The following SMG6 variants were observed in gnomAD, a reference collection of about 807,000 sequenced individuals.
The protein encoded by SMG6 is telomerase-binding protein EST1A.
Under a neutral mutation model 142.2 loss-of-function variants are expected in SMG6, and 66 were observed. The observed-to-expected ratio is 0.46, with a 90% confidence interval of 0.38 to 0.57. The LOEUF (loss-of-function observed/expected upper bound fraction) is 0.57, where lower values mean the gene tolerates loss of function less well. SMG6 is among the 20% of genes least tolerant of loss of function. The pLI is 0.00. For synonymous variants in SMG6, 779 were observed against 702.4 expected, an observed-to-expected ratio of 1.11 and a Z score of -1.72; for missense variants, 1,793 against 1,832.0, an observed-to-expected ratio of 0.98 and a Z score of 0.39.
In SMG6 at chr17:2,187,869, A is replaced by G. The variant is rs149933994; in HGVS notation, c.2986+530T>C. 2.6e-5 allele frequency among the ~76,000 whole-genome samples: 4 copies of G among 152,260 alleles called. No individual in the cohort carries two copies. In the East Asian group the frequency reaches 7.7e-4, roughly 29 times the overall value. Reference sequence around the variant, plus strand: ...AGCTGAAAAGAAAGGTGTAACCTTCAGCCCTACCTTCTACTGCTACAACAA... The same window carrying G: ...AGCTGAAAAGAAAGGTGTAACCTTCGGCCCTACCTTCTACTGCTACAACAA... On this transcript the variant is annotated intron_variant, in intron 11 of 18. Coordinates refer to ENST00000263073, the MANE Select transcript of SMG6 (RefSeq NM_017575.5).
At chr17:2,224,716 AAACCAACCAACC>A (rs34427018) in intron 10 of SMG6, among the ~76,000 whole-genome samples, 7 of 152,044 alleles carry the variant, frequency 4.6e-5, no homozygotes, top group African/African-American at 1.7e-4. Flanking sequence ...ACTGATAGGA[AAACCAACCAACC>A]AACCAACCAA....
chr17:2,292,488 T>C (rs2075059656), intron 6 of SMG6, 64 bp downstream of exon 6: 1 of 1,499,120 alleles, frequency 6.7e-7, no homozygotes, highest in East Asian at 2.3e-5. Flanking sequence ...ACTGATATTA[T>C]CAAACTCCAT....
intron 13 of SMG6, among the ~76,000 whole-genome samples, chr17:2,163,649 C>T (rs1047674854): frequency 5.3e-5 from 8 of 151,916 alleles, no homozygotes; most frequent in Non-Finnish European, 1.5e-5. Flanking sequence ...CAAATAAAAA[C>T]AGCTTTATTT....
chr17:2,108,225 T>C (rs1232248819), intron 13 of SMG6, among the ~76,000 whole-genome samples: 1 of 152,220 alleles, frequency 6.6e-6, no homozygotes, highest in Non-Finnish European at 1.5e-5. Context: ...CATGGGAATC[T>C]GATGTGTGAC....
chr17:2,134,419 CAAAAAAAAAAAAAAA>C (rs58429166), intron 13 of SMG6, among the ~76,000 whole-genome samples: 4 of 28,724 alleles, frequency 1.4e-4, no homozygotes, highest in African/African-American at 5.1e-4. Flanking sequence ...GACTCCATCT[CAAAAAAAAAAAAAAA>C]AAAAAAAAAA....
intron 6 of SMG6, among the ~76,000 whole-genome samples, chr17:2,284,211 A>G (rs113626064): frequency 1.2e-4 from 18 of 152,228 alleles, no homozygotes; most frequent in African/African-American, 3.9e-4. Flanking sequence ...ATTATGTAAT[A>G]ATCTTCCTGA....
intron 13 of SMG6, 120 bp downstream of exon 13, chr17:2,172,538 T>C (rs917188388): frequency 1.0e-5 from 11 of 1,080,272 alleles, no homozygotes; most frequent in Non-Finnish European, 1.5e-5. Flanking sequence ...TATTTTCCCT[T>C]AACACCCTTC....
intron 8 of SMG6, among the ~76,000 whole-genome samples, chr17:2,274,815 C>G (rs2074612673): frequency 2.0e-5 from 3 of 152,136 alleles, no homozygotes; most frequent in Admixed American, 1.3e-4. Flanking sequence ...AAGACTCACT[C>G]AAGTTTCAGA....
chr17:2,221,653 A>C (rs1246151178), intron 10 of SMG6, among the ~76,000 whole-genome samples: 2 of 152,256 alleles, frequency 1.3e-5, no homozygotes, highest in African/African-American at 4.8e-5. Flanking sequence ...ACAAAAAACA[A>C]GGAAAGACAG....
At position 2,292,926 on chromosome 17, in the gene SMG6, T is replaced by C. The variant is rs2075070905; in HGVS notation, c.2203A>G (p.Ile735Val). The C allele has an allele frequency of 1.2e-6, 2 of 1,614,038 alleles. No individual in the cohort carries two copies. The highest frequency in any genetic ancestry group is 8.5e-7 in the Non-Finnish European group (1 of 1,180,022). The stretch of plus-strand genomic sequence containing the variant: ...CTGGCTTGCTCCCGGTACCTAGCAA[T>C]ATCTCCTTGGCATATCATGCATCGC... ...AQRCMICQGD[I>V]ARYREQASDT... is the part of the protein sequence containing the mutation. Residue 735 changes from isoleucine (I) to valine (V), a missense_variant, in exon 5 of 19, where the codon ATT becomes GTT. Coordinates refer to ENST00000263073, the MANE Select transcript of SMG6 (RefSeq NM_017575.5).
At chr17:2,242,646 C>G (rs563838170) in intron 9 of SMG6, among the ~76,000 whole-genome samples, 3 of 137,064 alleles carry the variant, frequency 2.2e-5, no homozygotes, top group African/African-American at 9.1e-5. Context: ...TGTGAATAGC[C>G]ACTGCACTTC....
chr17:2,300,894 G>T (rs923748971), intron 1 of SMG6, among the ~76,000 whole-genome samples: 2 of 152,156 alleles, frequency 1.3e-5, no homozygotes, highest in African/African-American at 4.8e-5. Context: ...ACTGTGTTGG[G>T]GCTACCTACA....
At chr17:2,065,800 AGTCTTCCAATGAAACTAGGGCC>A in intron 16 of SMG6, 121 bp from the exon 17 acceptor site, 1 of 829,818 alleles carries the variant, frequency 1.2e-6, no homozygotes, top group African/African-American at 1.7e-5. Context: ...CCCCCACAGG[AGTCTTCCAATGAAACTAGGGCC>A]GGAGGGGAGC....
chr17:2,299,831 T>C lies in SMG6; in HGVS notation c.922A>G (p.Arg308Gly). Reference sequence around the variant, plus strand: ...CCTAATCCATCAGGCTCATCAATTCTGTCCTCGTCTAAGGAATCGGTTGAG... The same window carrying C: ...CCTAATCCATCAGGCTCATCAATTCCGTCCTCGTCTAAGGAATCGGTTGAG... ...VSSTDSLDED[R>G]IDEPDGLGPR... Residue 308 changes from arginine to glycine, a missense_variant, in exon 2 of 19, where the codon AGA becomes GGA. Physicochemically the swap from Arg to Gly is moderately radical, Grantham distance 125. Around this residue, in one of 3 missense-constraint regions of SMG6, gnomAD observed 1,597 missense variants for 1,584.6 expected, o/e 1.01. Transcript: ENST00000263073. The surrounding 1 kb of genome is among the most constrained non-coding windows in gnomAD (Gnocchi z 4.3). 6.2e-7 allele frequency: 1 copy of C among 1,614,234 alleles called. No individual in the cohort carries two copies. The highest frequency in any genetic ancestry group is 8.5e-7 in the Non-Finnish European group (1 of 1,180,036).
intron 12 of SMG6, among the ~76,000 whole-genome samples, chr17:2,181,984 T>G (rs1224164294): frequency 6.6e-6 from 1 of 152,044 alleles, no homozygotes; most frequent in Non-Finnish European, 1.5e-5. Flanking sequence ...GGGATATGGG[T>G]AAACAGGGGC....
intron 12 of SMG6, among the ~76,000 whole-genome samples, chr17:2,185,250 G>C (rs1460459691): frequency 6.6e-6 from 1 of 152,036 alleles, no homozygotes; most frequent in Non-Finnish European, 1.5e-5. Flanking sequence ...AAGACCCCTA[G>C]ACAAGCGCCC....
intron 13 of SMG6, among the ~76,000 whole-genome samples, chr17:2,161,432 CAG>C (rs891264323): frequency 6.7e-6 from 1 of 149,706 alleles, no homozygotes; most frequent in African/African-American, 2.5e-5. Context: ...TTTTTTGAGA[CAG>C]AGTCTCACAC....
At chr17:2,166,841 G>C (rs538547102) in intron 13 of SMG6, among the ~76,000 whole-genome samples, 3 of 152,072 alleles carry the variant, frequency 2.0e-5, no homozygotes, top group Non-Finnish European at 4.4e-5. Flanking sequence ...TAAGGGGACT[G>C]AGGCCAGGCA....
At chr17:2,254,846 G>C (rs1448409142) in intron 8 of SMG6, among the ~76,000 whole-genome samples, 1 of 152,208 alleles carries the variant, frequency 6.6e-6, no homozygotes, top group Non-Finnish European at 1.5e-5. Flanking sequence ...GACTGGGGAA[G>C]GCTAGGATGC....
Sources: allele counts gnomAD v4.1 joint callset (sites outside exome capture counted in the v4.1 genomes callset), GRCh38; gene constraint gnomAD v4.1.1; regional missense constraint gnomAD v4.1.1; non-coding constraint Gnocchi (gnomAD v3.1); transcripts MANE v1.5; gene names NCBI Gene and HGNC (gene_info 2026-07-23, HGNC 2026-07-21).